SAXO1: variants seen among roughly 807,000 people sequenced by gnomAD.
SAXO1 encodes the protein 4930500O09Rik.
SAXO1 carries 21 observed loss-of-function variants against 17.5 expected under a neutral mutation model. The observed-to-expected ratio is 1.20, with a 90% CI of 0.85 to 1.72. The LOEUF is 1.72. SAXO1 is among the 40% of genes most tolerant of loss of function. The pLI, the probability that SAXO1 is intolerant of heterozygous loss-of-function variation, is 0.00. For synonymous variants in SAXO1, 274 were observed against 216.5 expected, an observed-to-expected ratio of 1.27 and a Z score of -2.33; for missense variants, 843 against 596.0, an observed-to-expected ratio of 1.41 and a Z score of -4.32.
At chr9:19,036,254 T>TAAAAAAAAAAAA (rs66796545), upstream of SAXO1, among the ~76,000 whole-genome samples, 2 of 119,742 alleles carry the variant, frequency 1.7e-5, no homozygotes, top group African/African-American at 2.7e-5. Flanking sequence ...TAAAGTATAA[T>TAAAAAAAAAAAA]AAAAAAAAAA....
intron 2 of SAXO1, among the ~76,000 whole-genome samples, chr9:18,948,336 G>C (rs1831880824): frequency 1.3e-5 from 2 of 152,244 alleles, no homozygotes; most frequent in African/African-American, 4.8e-5. Context: ...TCTCTTTTTA[G>C]GGTAGGAAAT....
At position 18,928,247 on chromosome 9, in the gene SAXO1, G is replaced by A; in HGVS notation, c.1230C>T (p.Ile410=). The A allele has an allele frequency of 6.2e-7, 1 of 1,614,010 alleles. No homozygotes were observed. The highest frequency in any genetic ancestry group is 8.5e-7 in the Non-Finnish European group (1 of 1,179,912). ...TGCCCATTTCCTTGGGAGTAAAGCTGATGGTGTAGGTGGTCTGGCTTTCCA... is the reference window on the plus strand; with the variant it reads ...TGCCCATTTCCTTGGGAGTAAAGCTAATGGTGTAGGTGGTCTGGCTTTCCA... The part of the protein sequence containing the change: ...VPVESQTTYT[I]SFTPKEMGRC... Residue 410 remains isoleucine, a synonymous_variant, in exon 4 of 4, where the codon ATC becomes ATT. Coordinates refer to ENST00000380534, the MANE Select transcript of SAXO1 (RefSeq NM_153707.4).
At chr9:19,044,562 T>G (rs1196451230) in intron 1 of SAXO1, among the ~76,000 whole-genome samples, 1 of 152,190 alleles carries the variant, frequency 6.6e-6, no homozygotes, top group Non-Finnish European at 1.5e-5. Flanking sequence ...GTGACTTAGC[T>G]GACTCAAGAA....
chr9:19,021,404 C>T (rs1835227744), intron 1 of SAXO1, among the ~76,000 whole-genome samples: 2 of 152,190 alleles, frequency 1.3e-5, no homozygotes, highest in South Asian at 2.1e-4. Flanking sequence ...CTCAGGAAAA[C>T]ATCTGTCCAC....
At chr9:18,999,828 TG>T (rs1834178228) in intron 1 of SAXO1, among the ~76,000 whole-genome samples, 1 of 143,776 alleles carries the variant, frequency 7.0e-6, no homozygotes, top group African/African-American at 2.6e-5. Context: ...GTCTGGGAAG[TG>T]AGGAGCGCCT....
chr9:19,027,339 A>G, intron 1 of SAXO1: 1 of 790,028 alleles, frequency 1.3e-6, no homozygotes, highest in Non-Finnish European at 2.3e-6. Context: ...GACACTGCCC[A>G]GAGTACGACT....
intron 2 of SAXO1, among the ~76,000 whole-genome samples, chr9:18,943,441 C>T (rs1350711459): frequency 6.6e-6 from 1 of 152,198 alleles, no homozygotes; most frequent in East Asian, 1.9e-4. Flanking sequence ...GCAAGTACTA[C>T]ACCCTGGTGT....
chr9:18,935,186 T>C (rs1046097557), intron 3 of SAXO1, among the ~76,000 whole-genome samples: 24 of 152,268 alleles, frequency 1.6e-4, no homozygotes, highest in Admixed American at 3.3e-4. Flanking sequence ...AGTGCTAGGA[T>C]TATAGACGTG....
At chr9:18,976,702 G>A (rs1229157583) in intron 1 of SAXO1, among the ~76,000 whole-genome samples, 1 of 152,212 alleles carries the variant, frequency 6.6e-6, no homozygotes, top group Non-Finnish European at 1.5e-5. Flanking sequence ...TGAGTCTTGT[G>A]GTTGTAATCT....
chr9:18,960,626 T>TA (rs1832446087), intron 1 of SAXO1, among the ~76,000 whole-genome samples: 2 of 151,906 alleles, frequency 1.3e-5, no homozygotes, highest in African/African-American at 4.8e-5. Flanking sequence ...AAAAACAACA[T>TA]ACAAAAGTTA....
intron 1 of SAXO1, among the ~76,000 whole-genome samples, chr9:18,956,793 T>G (rs1832274578): frequency 6.6e-6 from 1 of 152,232 alleles, no homozygotes; most frequent in South Asian, 2.1e-4. Flanking sequence ...GTGGAGCAAT[T>G]ACTACGCACA....
upstream of SAXO1, chr9:19,033,214 C>G (rs1194183187): frequency 3.0e-6 from 1 of 336,714 alleles, no homozygotes; most frequent in African/African-American, 2.1e-5. Flanking sequence ...CTGACTGGGC[C>G]CCAGGAAGCT....
chr9:19,027,773 C>A, intron 1 of SAXO1: 1 of 1,507,010 alleles, frequency 6.6e-7, no homozygotes, highest in Non-Finnish European at 9.1e-7. Context: ...GCTGGAGCTT[C>A]TGAACCAGCT....
At chr9:19,040,080 G>A (rs759130186) in intron 1 of SAXO1, among the ~76,000 whole-genome samples, 7 of 151,956 alleles carry the variant, frequency 4.6e-5, no homozygotes, top group African/African-American at 1.5e-4. Context: ...TCCAAGGCAC[G>A]GTGCACTGTG....
chr9:19,043,361 C>T (rs1047358876), intron 1 of SAXO1, among the ~76,000 whole-genome samples: 1 of 152,128 alleles, frequency 6.6e-6, no homozygotes, highest in Non-Finnish European at 1.5e-5. Context: ...ATTGAACTCA[C>T]AGACACAGAG....
At chr9:18,936,068 GTTGA>G (rs1484344886) in intron 3 of SAXO1, among the ~76,000 whole-genome samples, 2 of 152,108 alleles carry the variant, frequency 1.3e-5, no homozygotes, top group African/African-American at 4.8e-5. Context: ...TCTAGAAATG[GTTGA>G]TTTTCACTGT....
intron 1 of SAXO1, among the ~76,000 whole-genome samples, chr9:19,007,287 C>T (rs1041676644): frequency 3.3e-5 from 5 of 151,944 alleles, no homozygotes; most frequent in African/African-American, 1.2e-4. Flanking sequence ...GCAGAGGTTG[C>T]AGTGAGCTGA....
At chr9:18,967,751 A>C (rs1832780640) in intron 1 of SAXO1, among the ~76,000 whole-genome samples, 1 of 151,970 alleles carries the variant, frequency 6.6e-6, no homozygotes, top group South Asian at 2.1e-4. Flanking sequence ...CACGGGAGTG[A>C]ATGATTCTGT....
intron 1 of SAXO1, among the ~76,000 whole-genome samples, chr9:19,041,532 C>T (rs1324254891): frequency 6.6e-6 from 1 of 152,144 alleles, no homozygotes; most frequent in African/African-American, 2.4e-5. Context: ...ATCACATTAC[C>T]TGACCTCCAG....
Sources: allele counts gnomAD v4.1 joint callset (sites outside exome capture counted in the v4.1 genomes callset), GRCh38; gene constraint gnomAD v4.1.1; transcripts MANE v1.5; gene names NCBI Gene and HGNC (gene_info 2026-07-23, HGNC 2026-07-21).